The following TMC5 variants were observed in gnomAD, a reference collection of about 807,000 sequenced individuals.
TMC5 encodes transmembrane channel-like protein 5.
TMC5 carries 86 observed loss-of-function variants against 110.5 expected under a neutral mutation model. The ratio of observed to expected loss-of-function variants is 0.78; its 90% CI spans 0.65 to 0.93. The LOEUF (loss-of-function observed/expected upper bound fraction) is 0.93, where lower values mean the gene tolerates loss of function less well. Among genes scored for constraint, TMC5 ranks in the 40% least tolerant of loss-of-function variants. TMC5 has a pLI of 0.00. For synonymous variants in TMC5, 455 were observed against 439.5 expected (o/e 1.04, Z -0.44); for missense variants, 1,144 against 1,222.8 (o/e 0.94, Z 0.96).
At chr16:19,487,451 C>T (rs548321504) in intron 17 of TMC5, 125 bp downstream of exon 17, 14 of 1,299,914 alleles carry the variant, frequency 1.1e-5, no homozygotes, top group East Asian at 5.2e-5. Context: ...CCTGTGATCC[C>T]GGCACTATGG....
chr16:19,438,683 G>T (rs780911670), intron 2 of TMC5, among the ~76,000 whole-genome samples: 2 of 152,074 alleles, frequency 1.3e-5, no homozygotes, highest in African/African-American at 2.4e-5. Context: ...GGAGGCGGAG[G>T]TTGCAGTGGG....
At chr16:19,494,403 C>A in intron 20 of TMC5, 37 bp downstream of exon 20, 2 of 1,508,724 alleles carry the variant, frequency 1.3e-6, no homozygotes, top group Non-Finnish European at 1.8e-6. Flanking sequence ...CCCTGGGACA[C>A]GAGCTTGCCT....
At chr16:19,469,889 G>T (rs1968286189) in intron 10 of TMC5, 64 bp downstream of exon 10, 5 of 1,520,852 alleles carry the variant, frequency 3.3e-6, no homozygotes, top group South Asian at 1.2e-5. Context: ...CAGTATACCT[G>T]TAACTTTTCT....
chr16:19,441,132 G>T (rs1392111840), intron 3 of TMC5, among the ~76,000 whole-genome samples: 1 of 152,018 alleles, frequency 6.6e-6, no homozygotes, highest in East Asian at 1.9e-4. Flanking sequence ...TTTTGACCCT[G>T]CTACGTAGCC....
At chr16:19,465,290 T>C (rs1968158315) in intron 8 of TMC5, among the ~76,000 whole-genome samples, 1 of 151,952 alleles carries the variant, frequency 6.6e-6, no homozygotes, top group Non-Finnish European at 1.5e-5. Context: ...TCCCAGCACT[T>C]TGGGAGGCCG....
In TMC5 at chr16:19,490,425, T is replaced by G. The variant is rs1361267494; in HGVS notation, c.2604T>G (p.Phe868Leu). ...RLKPSADCGP[F>L]RGLPLFIHSI... ...AGCCTTCAGCTGACTGTGGCCCTTT[T>G]CGAGGTCTGCCTCTCTTCATTCACT... The change falls in exon 18 of 22, where the codon TTT becomes TTG. Residue 868 changes from phenylalanine (F) to leucine (L), a missense_variant. By Grantham distance (22) the Phe-to-Leu change is conservative. Coordinates refer to ENST00000542583, the MANE Select transcript of TMC5 (RefSeq NM_001261841.2). 8.7e-6 allele frequency: 14 copies of G among 1,614,198 alleles called. No individual in the cohort carries two copies. In the East Asian group the frequency reaches 3.1e-4, roughly 36 times the overall value.
intron 19 of TMC5, among the ~76,000 whole-genome samples, chr16:19,493,459 C>CTT (rs1315947623): frequency 1.0e-4 from 5 of 49,436 alleles, no homozygotes; most frequent in Non-Finnish European, 2.3e-4. Flanking sequence ...CTCTCTCTCT[C>CTT]TCTCTCTTTT....
chr16:19,448,293 TACACAC>T (rs1270728161), intron 4 of TMC5, among the ~76,000 whole-genome samples: 1 of 110,094 alleles, frequency 9.1e-6, no homozygotes, highest in African/African-American at 3.9e-5. Context: ...AACCATTATT[TACACAC>T]ACACGCACAC....
Position 19,477,437 on chromosome 16 carries a change from T to C in TMC5, c.2091-3T>C. 2 of 1,607,438 alleles carry C rather than the reference T, an allele frequency of 1.2e-6. No homozygotes were observed. Among genetic ancestry groups the C allele is most frequent in the South Asian group, 2.2e-5 (2 of 90,858 alleles). ...AATCATAAATGTTGTCTCTTCTGTT[T>C]AGAAACATCTTTTTGAAAATATCAA... On this transcript the variant is annotated splice_polypyrimidine_tract_variant and splice_region_variant and intron_variant, in intron 12 of 21. Coordinates refer to ENST00000542583, the MANE Select transcript of TMC5 (RefSeq NM_001261841.2).
chr16:19,472,164 T>C lies in TMC5; in HGVS notation c.1859T>C (p.Met620Thr), dbSNP rs1362004272. 4 of 1,614,176 alleles carry C rather than the reference T, an allele frequency of 2.5e-6. No individual in the cohort carries two copies. The highest frequency in any genetic ancestry group is 2.5e-6 in the Non-Finnish European group (3 of 1,180,018). Residue 620 changes from methionine (M) to threonine (T), a missense_variant, in exon 11 of 22, where the codon ATG (methionine) becomes ACG (threonine). Physicochemically the swap from Met to Thr is moderately conservative, Grantham distance 81. Transcript: ENST00000542583. ...CTGCTGACCCGCTTCTCTGCCTACA[T>C]GGTAGCCTGGGTTGTCTCTACAGGA... ...NQLLTRFSAY[M>T]VAWVVSTGVA...
intron 9 of TMC5, among the ~76,000 whole-genome samples, chr16:19,467,142 C>CA (rs758104363): frequency 4.9e-4 from 72 of 145,496 alleles, no homozygotes; most frequent in Admixed American, 8.3e-4. Flanking sequence ...GATCCTGTTT[C>CA]AAAAAAAAAA....
intron 10 of TMC5, among the ~76,000 whole-genome samples, 159 bp from the exon 11 acceptor site, chr16:19,471,929 T>C (rs1968352185): frequency 1.3e-5 from 2 of 151,948 alleles, no homozygotes; most frequent in Non-Finnish European, 2.9e-5. Context: ...CCCGGCTAAT[T>C]TTTGTATTTT....
At chr16:19,467,151 A>G (rs1404759282) in intron 9 of TMC5, among the ~76,000 whole-genome samples, 3 of 151,998 alleles carry the variant, frequency 2.0e-5, no homozygotes, top group Non-Finnish European at 2.9e-5. Context: ...TCAAAAAAAA[A>G]AGAGAGAGAA....
At chr16:19,456,066 G>A (rs1967861577) in intron 5 of TMC5, among the ~76,000 whole-genome samples, 1 of 151,912 alleles carries the variant, frequency 6.6e-6, no homozygotes, top group South Asian at 2.1e-4. Context: ...AATTAGCCGG[G>A]CATGGTGGCG....
intron 1 of TMC5, among the ~76,000 whole-genome samples, chr16:19,419,304 GTTGTTA>G (rs963594005): frequency 7.1e-5 from 10 of 141,358 alleles, no homozygotes; most frequent in Non-Finnish European, 9.0e-5. Flanking sequence ...TATTACTGTT[GTTGTTA>G]TTATTATTAA....
At position 19,461,707 on chromosome 16, in the gene TMC5, T is replaced by A. The variant is rs1968027368; in HGVS notation, c.1148+1373T>A. On this transcript the variant is annotated intron_variant, in intron 6 of 21. Transcript: ENST00000542583. The stretch of plus-strand genomic sequence containing the variant: ...AGTTTACATTAATTGTTGCTTAATC[T>A]TTTTTTTTCTTTTTTTCAATTTGAT... Among the ~76,000 whole-genome samples the A allele has an allele frequency of 4.0e-5, 6 of 151,788 alleles. No homozygotes were observed. The South Asian group carries it at 1.2e-3, about 32-fold the overall frequency.
chr16:19,490,353 G>A (rs759804708), intron 17 of TMC5, 42 bp from the exon 18 acceptor site: 2 of 1,597,058 alleles, frequency 1.3e-6, no homozygotes, highest in Non-Finnish European at 1.7e-6. Flanking sequence ...AACCATCCCT[G>A]AGTCTTGTGC....
rs1157378203 is a variant in TMC5 at position 19,448,573 on chromosome 16, C to T, written c.959-969C>T. Reference sequence around the variant, plus strand: ...GGTCAAAGCTGCAGTGAGCTGAAATCGCACCACTGCACTCCAGCCTAGGTG... The same window carrying T: ...GGTCAAAGCTGCAGTGAGCTGAAATTGCACCACTGCACTCCAGCCTAGGTG... On this transcript the variant is annotated intron_variant, in intron 4 of 21. Coordinates refer to ENST00000542583, the MANE Select transcript of TMC5 (RefSeq NM_001261841.2). Among the ~76,000 whole-genome samples the T allele has an allele frequency of 5.3e-5, 8 of 149,758 alleles. No homozygotes were observed. In the East Asian group the frequency reaches 8.0e-4, roughly 15 times the overall value.
At chr16:19,478,628 A>G (rs1367088094) in intron 13 of TMC5, among the ~76,000 whole-genome samples, 1 of 152,046 alleles carries the variant, frequency 6.6e-6, no homozygotes, top group Non-Finnish European at 1.5e-5. Flanking sequence ...ATATTTATCT[A>G]TTCATTCATG....
Sources: gnomAD v4.1 joint callset for allele counts (sites outside exome capture counted in the v4.1 genomes callset) on GRCh38, gnomAD v4.1.1 for gene constraint, MANE v1.5 for transcripts, NCBI Gene and HGNC (gene_info 2026-07-23, HGNC 2026-07-21) for gene names.